DDX42: variants seen among roughly 807,000 people sequenced by gnomAD.
DDX42 encodes the protein ATP-dependent RNA helicase DDX42.
Under a neutral mutation model 101.5 loss-of-function variants are expected in DDX42, and 22 were observed. The ratio of observed to expected loss-of-function variants is 0.22; its 90% CI spans 0.15 to 0.31. The LOEUF is 0.31. Among genes scored for constraint, DDX42 ranks in the 10% least tolerant of loss-of-function variants. The pLI, the probability that DDX42 is intolerant of heterozygous loss-of-function variation, is 1.00. For missense variants in DDX42, 849 were observed against 1,199.9 expected (o/e 0.71, Z 4.32); for synonymous variants, 402 against 401.2 (o/e 1.00, Z -0.02).
At chr17:63,801,307 G>A (rs768287432) in intron 6 of DDX42, among the ~76,000 whole-genome samples, 5 of 151,908 alleles carry the variant, frequency 3.3e-5, no homozygotes, top group Non-Finnish European at 4.4e-5. Flanking sequence ...CCCCTGCCTC[G>A]GCCTCCCAAA....
chr17:63,812,690 C>T (rs2039926394), intron 14 of DDX42, among the ~76,000 whole-genome samples: 1 of 152,056 alleles, frequency 6.6e-6, no homozygotes, highest in Admixed American at 6.5e-5. Flanking sequence ...TATATATTCC[C>T]AGTGCAAGAG....
At chr17:63,774,542 C>T (rs1409343030) in intron 1 of DDX42, 166 bp downstream of exon 1, 1 of 168,176 alleles carries the variant, frequency 5.9e-6, no homozygotes, top group African/African-American at 2.4e-5. Flanking sequence ...GGAGTGGGGG[C>T]TGAGGCCTCT....
At chr17:63,803,318 G>GT (rs1163642362) in intron 6 of DDX42, among the ~76,000 whole-genome samples, 3 of 152,028 alleles carry the variant, frequency 2.0e-5, no homozygotes, top group African/African-American at 7.2e-5. Flanking sequence ...GCTGGGTGCG[G>GT]TGGCTCATGC....
In DDX42 at chr17:63,815,690, A is replaced by ACT; in HGVS notation, c.2013+18_2013+19insTC. ...GAGAACATGGTGAGTCTAGACTACTACAGTAGTGCCTTTATAGTTGGTCTC... is the reference window on the plus strand; with the variant it reads ...GAGAACATGGTGAGTCTAGACTACTACTCAGTAGTGCCTTTATAGTTGGTCTC... On this transcript the variant is annotated intron_variant, in intron 16 of 17. Coordinates refer to ENST00000389924, the MANE Select transcript of DDX42 (RefSeq NM_203499.3). 6.6e-7 allele frequency: 1 copy of ACT among 1,521,026 alleles called. No individual in the cohort carries two copies. Among genetic ancestry groups the ACT allele is most frequent in the Non-Finnish European group, 9.1e-7 (1 of 1,101,410 alleles). 94.2% of individuals were successfully genotyped at this position (1,521,026 alleles called of 1,614,324 possible). A position where few individuals can be genotyped will look rare whatever the true frequency, so the allele number is the denominator to read the frequency against.
At chr17:63,786,589 A>G (rs2039550044) in intron 1 of DDX42, among the ~76,000 whole-genome samples, 2 of 152,126 alleles carry the variant, frequency 1.3e-5, no homozygotes, top group East Asian at 1.9e-4. Flanking sequence ...TCTCCTGACT[A>G]CAGTGTTATA....
intron 13 of DDX42, 81 bp from the exon 14 acceptor site, chr17:63,811,851 T>TA (rs1165214615): frequency 1.6e-5 from 22 of 1,391,832 alleles, no homozygotes; most frequent in African/African-American, 8.4e-5. Flanking sequence ...TCGATGCAGG[T>TA]AGAAATATAA....
At chr17:63,780,645 CTG>C (rs1367725216) in intron 1 of DDX42, among the ~76,000 whole-genome samples, 8 of 152,130 alleles carry the variant, frequency 5.3e-5, no homozygotes, top group Non-Finnish European at 8.8e-5. Flanking sequence ...GGACAATGAG[CTG>C]TGTGTTCTAG....
chr17:63,777,524 T>C (rs1400319025), intron 1 of DDX42, among the ~76,000 whole-genome samples: 1 of 151,414 alleles, frequency 6.6e-6, no homozygotes, highest in Admixed American at 6.6e-5. Flanking sequence ...CTTGGCTCAC[T>C]GCAAGCTCCG....
intron 15 of DDX42, among the ~76,000 whole-genome samples, chr17:63,813,871 A>G (rs571504347): frequency 6.6e-6 from 1 of 150,898 alleles, no homozygotes; most frequent in Non-Finnish European, 1.5e-5. Context: ...ACAGAATCTC[A>G]CTCTATCGCC....
intron 4 of DDX42, 77 bp from the exon 5 acceptor site, chr17:63,799,512 C>T (rs2039736327): frequency 6.5e-7 from 1 of 1,540,306 alleles, no homozygotes; most frequent in Non-Finnish European, 8.9e-7. Context: ...TGGAATTCAA[C>T]ACTAATCTGC....
intron 15 of DDX42, among the ~76,000 whole-genome samples, chr17:63,814,041 T>C (rs915792979): frequency 1.3e-5 from 2 of 152,114 alleles, no homozygotes; most frequent in African/African-American, 4.8e-5. Context: ...GGTTTTGCCA[T>C]GTTGGTCGGG....
At chr17:63,784,860 A>G (rs1360018529) in intron 1 of DDX42, among the ~76,000 whole-genome samples, 2 of 152,186 alleles carry the variant, frequency 1.3e-5, no homozygotes, top group Non-Finnish European at 2.9e-5. Flanking sequence ...AATTGAAGGT[A>G]TGCACAAAGA....
At chr17:63,807,951 C>A in intron 9 of DDX42, 51 bp downstream of exon 9, 7 of 1,539,570 alleles carry the variant, frequency 4.5e-6, no homozygotes, top group Non-Finnish European at 6.1e-6. Flanking sequence ...TAGCAAGGGA[C>A]CAGCCAGTCA....
At chr17:63,796,659 G>A (rs894149541) in intron 3 of DDX42, among the ~76,000 whole-genome samples, 1 of 152,158 alleles carries the variant, frequency 6.6e-6, no homozygotes, top group African/African-American at 2.4e-5. Flanking sequence ...TCTAGTGCTT[G>A]AACTAGATGA....
intron 2 of DDX42, among the ~76,000 whole-genome samples, chr17:63,790,496 C>T (rs2039613341): frequency 6.6e-6 from 1 of 152,122 alleles, no homozygotes; most frequent in African/African-American, 2.4e-5. Context: ...CATGGTGGCT[C>T]AAACCTGTAA....
In DDX42 at chr17:63,800,362, G is replaced by A. The variant is rs1048391758; in HGVS notation, c.472-106G>A. On this transcript the variant is annotated intron_variant, in intron 5 of 17. Coordinates refer to ENST00000389924, the MANE Select transcript of DDX42 (RefSeq NM_203499.3). The stretch of plus-strand genomic sequence containing the variant: ...GTAAGGATCTTGCCTTACTTGGTAG[G>A]TATGTTAACTGTGCAATTATCTGGT... 2.3e-5 allele frequency: 23 copies of A among 1,021,384 alleles called. No individual in the cohort carries two copies. In the African/African-American group the frequency reaches 3.1e-4, roughly 14 times the overall value. The allele number at this position is 1,021,384 out of a possible 1,614,324, so 63.3% of individuals were successfully genotyped here. A position where few individuals can be genotyped will look rare whatever the true frequency, so the allele number is the denominator to read the frequency against.
At position 63,805,164 on chromosome 17, in the gene DDX42, C is replaced by T. The variant is rs1598337777; in HGVS notation, c.715C>T (p.Leu239Phe). The change falls in exon 7 of 18, where the codon CTC becomes TTC. Residue 239 changes from leucine (L) to phenylalanine (F), a missense_variant. This residue lies in a region of DDX42 where 370 missense variants were observed against 608.8 expected (regional missense o/e 0.61). Coordinates refer to ENST00000389924, the MANE Select transcript of DDX42 (RefSeq NM_203499.3). ...GCAGTTAATAGATCTCCGGCATAAG[C>T]TCAATCTTCGGGTAAGCATCATTAA... ...PQQLIDLRHK[L>F]NLRVSGAAPP... 2 of 1,612,958 alleles carry T rather than the reference C, an allele frequency of 1.2e-6. No homozygotes were observed. Among genetic ancestry groups the T allele is most frequent in the South Asian group, 1.1e-5 (1 of 90,654 alleles).
At chr17:63,806,794 A>G (rs542258213) in intron 8 of DDX42, 140 bp downstream of exon 8, 1 of 878,408 alleles carries the variant, frequency 1.1e-6, no homozygotes, top group South Asian at 3.2e-5. Context: ...CACTCTTAAG[A>G]AGTCACTAAA....
At chr17:63,804,380 T>C (rs2039812632) in intron 6 of DDX42, among the ~76,000 whole-genome samples, 1 of 152,162 alleles carries the variant, frequency 6.6e-6, no homozygotes, top group Admixed American at 6.5e-5. Context: ...AAAAGAATAA[T>C]AGAAGTGACT....
Sources: gnomAD v4.1 joint callset for allele counts (sites outside exome capture counted in the v4.1 genomes callset) on GRCh38, gnomAD v4.1.1 for gene constraint, gnomAD v4.1.1 regional missense constraint, MANE v1.5 for transcripts, NCBI Gene and HGNC (gene_info 2026-07-23, HGNC 2026-07-21) for gene names.